Variants in TNR observed in about 807,000 individuals in gnomAD.
The protein encoded by TNR is tenascin-R.
TNR carries 45 observed loss-of-function variants against 150.4 expected under a neutral mutation model. The ratio of observed to expected loss-of-function variants is 0.30; its 90% CI spans 0.24 to 0.38. TNR has a LOEUF of 0.38. TNR is among the 10% of genes least tolerant of loss of function. TNR has a pLI of 1.00. For missense variants in TNR, 1,544 were observed against 1,759.1 expected, an observed-to-expected ratio of 0.88 and a Z score of 2.19; for synonymous variants, 687 against 678.4, an observed-to-expected ratio of 1.01 and a Z score of -0.20.
At chr1:175,353,116 G>C (rs1026669275) in intron 18 of TNR, among the ~76,000 whole-genome samples, 2 of 152,202 alleles carry the variant, frequency 1.3e-5, no homozygotes, top group Admixed American at 6.5e-5. Flanking sequence ...GGGCTGGGCA[G>C]CCTTACATTA....
At chr1:175,684,306 T>G (rs1666124434) in intron 1 of TNR, among the ~76,000 whole-genome samples, 1 of 152,166 alleles carries the variant, frequency 6.6e-6, no homozygotes, top group Non-Finnish European at 1.5e-5. Flanking sequence ...ACAAAATAGA[T>G]GCAGAGCCTA....
chr1:175,507,299 G>A (rs1177980930), intron 2 of TNR, among the ~76,000 whole-genome samples: 2 of 152,084 alleles, frequency 1.3e-5, no homozygotes, highest in Non-Finnish European at 2.9e-5. Context: ...CTGATTTCAA[G>A]GATTCCAAAT....
At chr1:175,661,424 G>A (rs1665368181) in intron 1 of TNR, among the ~76,000 whole-genome samples, 1 of 152,126 alleles carries the variant, frequency 6.6e-6, no homozygotes, top group Admixed American at 6.5e-5. Flanking sequence ...TCAGAGCTGG[G>A]GTGAGGCCGT....
At chr1:175,695,994 A>ATGGATGGG (rs755530116) in intron 1 of TNR, among the ~76,000 whole-genome samples, 141 of 152,000 alleles carry the variant, frequency 9.3e-4, no homozygotes, top group African/African-American at 3.3e-3. Context: ...ATATGGATGG[A>ATGGATGGG]TGGATGGATG....
chr1:175,729,452 C>T (rs1054501015), intron 1 of TNR, among the ~76,000 whole-genome samples: 3 of 151,874 alleles, frequency 2.0e-5, no homozygotes, highest in African/African-American at 7.3e-5. Flanking sequence ...CCTTTCAAGA[C>T]AGGGTCTTGC....
intron 2 of TNR, among the ~76,000 whole-genome samples, chr1:175,430,161 AC>A (rs1333365333): frequency 2.6e-5 from 4 of 152,016 alleles, no homozygotes; most frequent in Non-Finnish European, 5.9e-5. Flanking sequence ...TGTTTCTGAA[AC>A]CCCAAGCAAT....
chr1:175,653,798 T>G (rs1215322454), intron 1 of TNR, among the ~76,000 whole-genome samples: 1 of 152,222 alleles, frequency 6.6e-6, no homozygotes. Context: ...TCTGAGCAAA[T>G]TAACAGACTA....
intron 1 of TNR, among the ~76,000 whole-genome samples, chr1:175,570,338 C>T (rs1210151692): frequency 6.6e-6 from 1 of 152,130 alleles, no homozygotes; most frequent in Non-Finnish European, 1.5e-5. Flanking sequence ...TAATTGAGGG[C>T]AGTTGGGGTG....
chr1:175,392,413 T>C (rs1186938946), intron 6 of TNR, among the ~76,000 whole-genome samples: 1 of 152,330 alleles, frequency 6.6e-6, no homozygotes, highest in South Asian at 2.1e-4. Flanking sequence ...ACAACAGTTA[T>C]TAAACCATGT....
intron 1 of TNR, among the ~76,000 whole-genome samples, chr1:175,660,580 T>C (rs994339094): frequency 1.3e-5 from 2 of 152,220 alleles, no homozygotes; most frequent in Non-Finnish European, 2.9e-5. Flanking sequence ...ACAAACCCTA[T>C]AGAGGCATAG....
chr1:175,674,916 CA>C (rs1665814918), intron 1 of TNR, among the ~76,000 whole-genome samples: 1 of 152,004 alleles, frequency 6.6e-6, no homozygotes, highest in African/African-American at 2.4e-5. Flanking sequence ...CTTACCCGCA[CA>C]GCTAATTAAG....
At chr1:175,334,999 G>A (rs190861107) in intron 20 of TNR, among the ~76,000 whole-genome samples, 1 of 152,246 alleles carries the variant, frequency 6.6e-6, no homozygotes, top group African/African-American at 2.4e-5. Context: ...GATGAGATGA[G>A]ATAGTGGCAG....
At chr1:175,529,040 A>G (rs1659963886) in intron 1 of TNR, among the ~76,000 whole-genome samples, 2 of 152,228 alleles carry the variant, frequency 1.3e-5, no homozygotes, top group African/African-American at 4.8e-5. Context: ...GTTAAGTGAG[A>G]GCCTTCTGAG....
intron 1 of TNR, among the ~76,000 whole-genome samples, chr1:175,670,895 A>C (rs937881553): frequency 6.6e-6 from 1 of 152,196 alleles, no homozygotes; most frequent in Non-Finnish European, 1.5e-5. Context: ...GAATATGGGC[A>C]AGTACAAAAT....
chr1:175,469,112 G>A (rs1657161723), intron 2 of TNR, among the ~76,000 whole-genome samples: 1 of 152,154 alleles, frequency 6.6e-6, no homozygotes, highest in Admixed American at 6.5e-5. Context: ...GGAAGACATT[G>A]AGCTCAGTTT....
Position 175,379,544 on chromosome 1 carries a change from T to A in TNR, c.1963+8A>T, listed in dbSNP as rs114965288. ...CCAGCATAACCCCAAGAGATAGGTC[T>A]TACTCACCTGTCAGGGTGGCCCTGG... On this transcript the variant is annotated splice_region_variant and intron_variant, in intron 9 of 22. Transcript: ENST00000367674. 1.9e-4 allele frequency: 314 copies of A among 1,611,614 alleles called. 1 individual carries two copies. The African/African-American group carries it at 3.9e-3, about 20-fold the overall frequency.
At position 175,402,184 on chromosome 1, in the gene TNR, G is replaced by A. The variant is rs543683828; in HGVS notation, c.976+956C>T. Among the ~76,000 whole-genome samples, 1,386 of 151,278 alleles carry A rather than the reference G, an allele frequency of 9.2e-3. 8 individuals are homozygous for A. The highest frequency in any genetic ancestry group is 0.021 in the Middle Eastern group (6 of 290). ...TAGCCGGGCGCGGTGGTGGGCGCCT[G>A]TAGTCCCAGCTACTCGGGAGGCTGA... On this transcript the variant is annotated intron_variant, in intron 4 of 22. Transcript: ENST00000367674.
In TNR at chr1:175,686,566, A is replaced by G. The variant is rs559560757; in HGVS notation, c.-165+56660T>C. 3.3e-4 allele frequency among the ~76,000 whole-genome samples: 51 copies of G among 152,306 alleles called. No homozygotes were observed. In the South Asian group the frequency reaches 7.9e-3, roughly 24 times the overall value. ...TATTTTGTAATGCTTGGTACATTTC[A>G]TAATGCTTCGATTGAGCCCATCACC... On this transcript the variant is annotated intron_variant, in intron 1 of 22. Coordinates refer to ENST00000367674, the MANE Select transcript of TNR (RefSeq NM_003285.3).
chr1:175,497,417 G>A (rs1658534663), intron 2 of TNR, among the ~76,000 whole-genome samples: 1 of 152,332 alleles, frequency 6.6e-6, no homozygotes, highest in African/African-American at 2.4e-5. Flanking sequence ...ATTTTTACTG[G>A]AGCATGACAG....
Sources: gnomAD v4.1 joint callset for allele counts (sites outside exome capture counted in the v4.1 genomes callset) on GRCh38, gnomAD v4.1.1 for gene constraint, MANE v1.5 for transcripts, NCBI Gene and HGNC (gene_info 2026-07-23, HGNC 2026-07-21) for gene names.